WWOX: variants seen among roughly 807,000 people sequenced by gnomAD.
The protein encoded by WWOX is WW domain-containing oxidoreductase.
WWOX carries 69 observed loss-of-function variants against 46.2 expected under a neutral mutation model. The observed-to-expected ratio is 1.49, with a 90% confidence interval of 1.23 to 1.82. The LOEUF is 1.82. Among genes scored for constraint, WWOX ranks in the 40% most tolerant of loss-of-function variants. The probability of loss-of-function intolerance (pLI) is 0.00; values close to 1 mark genes in which losing one functional copy is unlikely to be tolerated. For synonymous variants in WWOX, 359 were observed against 202.6 expected, an observed-to-expected ratio of 1.77 and a Z score of -6.56; for missense variants, 919 against 542.6, an observed-to-expected ratio of 1.69 and a Z score of -6.89.
intron 8 of WWOX, among the ~76,000 whole-genome samples, chr16:78,643,504 G>T (rs554730368): frequency 5.9e-5 from 9 of 152,112 alleles, no homozygotes; most frequent in Non-Finnish European, 1.3e-4. Flanking sequence ...AACATGTCCA[G>T]CTTTAAACCT....
chr16:78,989,848 G>GTGTGTGTC (rs2046850342), intron 8 of WWOX, among the ~76,000 whole-genome samples: 1 of 151,420 alleles, frequency 6.6e-6, no homozygotes, highest in East Asian at 1.9e-4. Context: ...GTGTGTGTGT[G>GTGTGTGTC]TGTGTGTGAT....
At chr16:78,826,923 G>T (rs111710328) in intron 8 of WWOX, among the ~76,000 whole-genome samples, 1 of 152,110 alleles carries the variant, frequency 6.6e-6, no homozygotes, top group Non-Finnish European at 1.5e-5. Context: ...CACACTACAT[G>T]CCGGACACCA....
chr16:78,554,351 G>A (rs995199621), intron 8 of WWOX, among the ~76,000 whole-genome samples: 2 of 152,090 alleles, frequency 1.3e-5, no homozygotes, highest in Non-Finnish European at 2.9e-5. Context: ...ATATCCTACC[G>A]CTCAAAGCCA....
chr16:78,776,425 T>G (rs2050192146), intron 8 of WWOX, among the ~76,000 whole-genome samples: 1 of 152,156 alleles, frequency 6.6e-6, no homozygotes, highest in Non-Finnish European at 1.5e-5. Flanking sequence ...GTTCGTCAGT[T>G]TTCTCATCTG....
At chr16:78,214,187 C>G (rs568638398) in intron 5 of WWOX, among the ~76,000 whole-genome samples, 1 of 152,308 alleles carries the variant, frequency 6.6e-6, no homozygotes, top group Admixed American at 6.5e-5. Flanking sequence ...CCCTATCTCC[C>G]TGTCAGTGCT....
At chr16:78,909,238 G>A (rs892524318) in intron 8 of WWOX, among the ~76,000 whole-genome samples, 1 of 152,000 alleles carries the variant, frequency 6.6e-6, no homozygotes, top group Non-Finnish European at 1.5e-5. Flanking sequence ...ATGTTTCCTT[G>A]TGCCACGTGA....
chr16:78,390,953 T>C (rs1026194339), intron 6 of WWOX, among the ~76,000 whole-genome samples: 1 of 152,222 alleles, frequency 6.6e-6, no homozygotes, highest in African/African-American at 2.4e-5. Context: ...CAGAGTATTA[T>C]CAGGCTCTGA....
intron 8 of WWOX, chr16:79,204,205 G>A (rs763591905): frequency 2.0e-5 from 3 of 152,090 alleles, no homozygotes; most frequent in Non-Finnish European, 2.9e-5. Flanking sequence ...AGGTATCCCA[G>A]GCAGCATCAG....
chr16:78,659,950 G>A lies in WWOX; in HGVS notation c.1056+227198G>A, dbSNP rs185282785. 1.3e-3 allele frequency among the ~76,000 whole-genome samples: 200 copies of A among 152,224 alleles called. 2 individuals carry two copies. Among genetic ancestry groups the A allele is most frequent in the Non-Finnish European group, 2.4e-4 (16 of 68,016 alleles). ...CCACCAGAAATTTAACATGCTGTTA[G>A]TGCATGCAAAAAAAAGCCCAGTAAT... On this transcript the variant is annotated intron_variant, in intron 8 of 8. Coordinates refer to ENST00000566780, the MANE Select transcript of WWOX (RefSeq NM_016373.4).
chr16:78,819,290 A>G (rs1042922252), intron 8 of WWOX, among the ~76,000 whole-genome samples: 1 of 152,152 alleles, frequency 6.6e-6, no homozygotes, highest in Non-Finnish European at 1.5e-5. Context: ...ACTCAACTCC[A>G]TAGACAGGGC....
At chr16:78,734,823 C>G (rs2049046718) in intron 8 of WWOX, among the ~76,000 whole-genome samples, 1 of 127,642 alleles carries the variant, frequency 7.8e-6, no homozygotes, top group Admixed American at 9.3e-5. Flanking sequence ...CCTGATGACT[C>G]AGGTGGGGAC....
chr16:79,029,190 G>A (rs910839491), intron 8 of WWOX, among the ~76,000 whole-genome samples: 1 of 152,154 alleles, frequency 6.6e-6, no homozygotes. Flanking sequence ...GGGACTTTGG[G>A]TACAGATGCA....
At chr16:79,096,781 C>A (rs1406363403) in intron 8 of WWOX, among the ~76,000 whole-genome samples, 1 of 152,148 alleles carries the variant, frequency 6.6e-6, no homozygotes, top group Non-Finnish European at 1.5e-5. Context: ...CACTAGGAAC[C>A]TCATAGGTGC....
intron 1 of WWOX, among the ~76,000 whole-genome samples, chr16:78,107,566 G>T (rs562797307): frequency 6.6e-6 from 1 of 152,226 alleles, no homozygotes; most frequent in African/African-American, 2.4e-5. Context: ...GGTGCACAGC[G>T]CACAGCTAGA....
intron 8 of WWOX, among the ~76,000 whole-genome samples, chr16:78,449,788 G>C (rs542121513): frequency 3.3e-5 from 5 of 152,228 alleles, no homozygotes; most frequent in East Asian, 3.9e-4. Flanking sequence ...CTTTCATGTT[G>C]CTTTAGTAGA....
intron 8 of WWOX, among the ~76,000 whole-genome samples, chr16:78,821,219 ATGT>A (rs1325189864): frequency 6.6e-6 from 1 of 152,116 alleles, no homozygotes; most frequent in African/African-American, 2.4e-5. Context: ...TTATCCCTGC[ATGT>A]TGAGCATCGT....
In WWOX at chr16:78,745,305, C is replaced by T. The variant is rs1397267407; in HGVS notation, c.1056+312553C>T. Among the ~76,000 whole-genome samples, 5 of 152,178 alleles carry T rather than the reference C, an allele frequency of 3.3e-5. No homozygotes were observed. The East Asian group carries it at 7.7e-4, about 23-fold the overall frequency. On this transcript the variant is annotated intron_variant, in intron 8 of 8. Coordinates refer to ENST00000566780, the MANE Select transcript of WWOX (RefSeq NM_016373.4). Reference sequence around the variant, plus strand: ...CTGAGCTGGGCATCTTCCCCGCCTTCCTCCACCTCTGCCTTCAAAAGCCTG... The same window carrying T: ...CTGAGCTGGGCATCTTCCCCGCCTTTCTCCACCTCTGCCTTCAAAAGCCTG...
intron 8 of WWOX, among the ~76,000 whole-genome samples, chr16:78,579,558 A>G (rs1422657522): frequency 2.6e-5 from 4 of 152,146 alleles, no homozygotes; most frequent in South Asian, 2.1e-4. Context: ...GTGGTGCGCC[A>G]GAGACTGCGG....
chr16:78,779,937 T>C (rs1208312025), intron 8 of WWOX, among the ~76,000 whole-genome samples: 1 of 152,216 alleles, frequency 6.6e-6, no homozygotes, highest in Non-Finnish European at 1.5e-5. Context: ...CAGCCACAAA[T>C]CAATAATGAA....
Sources: allele counts gnomAD v4.1 joint callset (sites outside exome capture counted in the v4.1 genomes callset), GRCh38; gene constraint gnomAD v4.1.1; transcripts MANE v1.5; gene names NCBI Gene and HGNC (gene_info 2026-07-23, HGNC 2026-07-21).